The following TMEM106B variants were observed in gnomAD, a reference collection of about 807,000 sequenced individuals.
TMEM106B encodes the protein transmembrane protein 106B.
A neutral mutation model predicts 31.1 loss-of-function variants in TMEM106B; 15 were observed. The observed-to-expected ratio is 0.48, with a 90% confidence interval of 0.32 to 0.74. The LOEUF (loss-of-function observed/expected upper bound fraction) is 0.74. Among genes scored for constraint, TMEM106B ranks in the 30% least tolerant of loss-of-function variants. TMEM106B has a pLI of 0.03. For missense variants in TMEM106B, 283 were observed against 327.3 expected (o/e 0.86, Z 1.04); for synonymous variants, 126 against 112.5 (o/e 1.12, Z -0.76).
Position 12,238,832 on chromosome 7 carries a change from T to C in TMEM106B, c.*6857T>C, listed in dbSNP as rs1158662992. The C allele has an allele frequency of 6.6e-6, 1 of 152,288 alleles. No individual in the cohort carries two copies. Among genetic ancestry groups the C allele is most frequent in the East Asian group, 1.9e-4 (1 of 5,178 alleles). 9.4% of individuals were successfully genotyped at this position (152,288 alleles called of 1,614,324 possible). ...AACCGTGTTGTAAACAGATGTCATA[T>C]TATCCAGACTGTTCCATTTATTGAA... is the stretch of plus-strand genomic sequence containing the variant. On this transcript the variant is annotated 3_prime_UTR_variant, in exon 8 of 8. Coordinates refer to ENST00000396668, the MANE Select transcript of TMEM106B (RefSeq NM_001134232.2).
chr7:12,229,644 C>G, intron 4 of TMEM106B, 35 bp from the exon 5 acceptor site: 1 of 1,456,058 alleles, frequency 6.9e-7, no homozygotes, highest in South Asian at 1.4e-5. Context: ...ATATTTTTAG[C>G]TAACTTGTAA....
chr7:12,235,525 A>C lies in TMEM106B; in HGVS notation c.*3550A>C, dbSNP rs1171984454. ...ACACCGCAATGTTCAAATAGGTAGGAGACCATCAAAAACACAATTAAAGTA... is the reference window on the plus strand; with the variant it reads ...ACACCGCAATGTTCAAATAGGTAGGCGACCATCAAAAACACAATTAAAGTA... On this transcript the variant is annotated 3_prime_UTR_variant, in exon 8 of 8. Transcript: ENST00000396668. 2.0e-5 allele frequency: 3 copies of C among 151,860 alleles called. No homozygotes were observed. Among genetic ancestry groups the C allele is most frequent in the African/African-American group, 7.2e-5 (3 of 41,418 alleles). 9.4% of individuals were successfully genotyped at this position (151,860 alleles called of 1,614,324 possible). A position where few individuals can be genotyped will look rare whatever the true frequency, so the allele number is the denominator to read the frequency against.
At chr7:12,217,851 CCATTTATCCTTTAAA>C (rs1781716561) in intron 2 of TMEM106B, among the ~76,000 whole-genome samples, 1 of 151,990 alleles carries the variant, frequency 6.6e-6, no homozygotes, top group South Asian at 2.1e-4. Context: ...ATTTAAAGGT[CCATTTATCCTTTAAA>C]CTTATGGATA....
rs1408696965 is a variant in TMEM106B, at chr7:12,218,446, T to C, written c.218-12T>C. 1 of 1,609,818 alleles carries C rather than the reference T, an allele frequency of 6.2e-7. No individual in the cohort carries two copies. The highest frequency in any genetic ancestry group is 1.7e-5 in the Admixed American group (1 of 59,600). ...TCATAGTAATTTCTGAACTTACTTC[T>C]TTCACATTTAGGGCAAGAAAACCAA... On this transcript the variant is annotated splice_polypyrimidine_tract_variant and intron_variant, in intron 2 of 7. Transcript: ENST00000396668.
rs1042229753 is a variant in TMEM106B at position 12,240,078 on chromosome 7, T to G, written c.*8103T>G. 6.6e-6 allele frequency: 1 copy of G among 152,100 alleles called. No individual in the cohort carries two copies. Among genetic ancestry groups the G allele is most frequent in the African/African-American group, 2.4e-5 (1 of 41,426 alleles). 9.4% of individuals were successfully genotyped at this position (152,100 alleles called of 1,614,324 possible). A position where few individuals can be genotyped will look rare whatever the true frequency, so the allele number is the denominator to read the frequency against. On this transcript the variant is annotated 3_prime_UTR_variant, in exon 8 of 8. Coordinates refer to ENST00000396668, the MANE Select transcript of TMEM106B (RefSeq NM_001134232.2). ...TTACTGAAAAAGCCCAAGTTCTTAC[T>G]CTGGTGTTGAGAACCTTTCATTAGC...
At chr7:12,230,644 A>G in intron 6 of TMEM106B, 1 of 396,246 alleles carries the variant, frequency 2.5e-6, no homozygotes, top group Non-Finnish European at 4.4e-6. Context: ...TTTTTTATTT[A>G]TTTTTCAGAA....
In TMEM106B at chr7:12,224,382, C is replaced by T. The variant is rs757962825; in HGVS notation, c.438C>T (p.Ile146=). The T allele has an allele frequency of 6.2e-7, 1 of 1,604,282 alleles. No individual in the cohort carries two copies. The highest frequency in any genetic ancestry group is 8.5e-7 in the Non-Finnish European group (1 of 1,172,034). The change falls in exon 4 of 8, where the codon ATC becomes ATT. Residue 146 remains isoleucine (I), a synonymous_variant. Coordinates refer to ENST00000396668, the MANE Select transcript of TMEM106B (RefSeq NM_001134232.2). ...AGAAGCGTACAATTTATTTAAATAT[C>T]ACAGTGAGTATAAATTTATATGAAA... ...DVQKRTIYLN[I]TNTLNITNNN... is the part of the protein sequence containing the mutation.
chr7:12,233,103 C>T lies in TMEM106B; in HGVS notation c.*1128C>T, dbSNP rs892074890. 9 of 151,708 alleles carry T rather than the reference C, an allele frequency of 5.9e-5. No individual in the cohort carries two copies. The highest frequency in any genetic ancestry group is 2.2e-4 in the African/African-American group (9 of 41,398). The allele number at this position is 151,708 out of a possible 1,614,324, so 9.4% of individuals were successfully genotyped here. A position where few individuals can be genotyped will look rare whatever the true frequency, so the allele number is the denominator to read the frequency against. On this transcript the variant is annotated 3_prime_UTR_variant, in exon 8 of 8. Coordinates refer to ENST00000396668, the MANE Select transcript of TMEM106B (RefSeq NM_001134232.2). ...TTAGAAATTTAATCACTTTGCACAT[C>T]ACTTGGAATATGATGCCTCTAGTAG... is the stretch of plus-strand genomic sequence containing the variant.
Position 12,229,587 on chromosome 7 carries a change from A to C in TMEM106B, c.442-92A>C, listed in dbSNP as rs13234238. 0.073 allele frequency: 76,265 copies of C among 1,039,812 alleles called. 3,272 individuals carry two copies. The highest frequency in any genetic ancestry group is 0.09 in the Middle Eastern group (269 of 2,990). The allele number at this position is 1,039,812 out of a possible 1,614,324, so 64.4% of individuals were successfully genotyped here. ...ATTACTTTCTTTTTCTTAATAAATG[A>C]AGCATAGCTACAGCTGAAGTTACTT... On this transcript the variant is annotated intron_variant, in intron 4 of 7. Transcript: ENST00000396668.
In TMEM106B at chr7:12,240,984, A is replaced by G. The variant is rs1002522516; in HGVS notation, c.*9009A>G. 1.2e-4 allele frequency: 19 copies of G among 152,168 alleles called. No homozygotes were observed. Among genetic ancestry groups the G allele is most frequent in the South Asian group, 2.1e-4 (1 of 4,828 alleles). 9.4% of individuals were successfully genotyped at this position (152,168 alleles called of 1,614,324 possible). On this transcript the variant is annotated 3_prime_UTR_variant, in exon 8 of 8. Transcript: ENST00000396668. ...ACTAGGCAAATGTCAGCTTAAATTTATATTTTCTAAATAGCACTGAAAATG... is the reference window on the plus strand; with the variant it reads ...ACTAGGCAAATGTCAGCTTAAATTTGTATTTTCTAAATAGCACTGAAAATG...
rs980041943 is a variant in TMEM106B, at chr7:12,231,867, C to T, written c.717C>T (p.His239=). Residue 239 remains histidine (H), a synonymous_variant, in exon 8 of 8, where the codon CAC becomes CAT. Coordinates refer to ENST00000396668, the MANE Select transcript of TMEM106B (RefSeq NM_001134232.2). ...QVTVTTTYFG[H]SEQISQERYQ... is the part of the protein sequence containing the mutation. The stretch of plus-strand genomic sequence containing the variant: ...CTGTGACAACAACATACTTTGGCCA[C>T]TCTGAACAGATATCCCAGGAGAGGT... The T allele has an allele frequency of 6.2e-7, 1 of 1,608,148 alleles. No homozygotes were observed. Among genetic ancestry groups the T allele is most frequent in the Non-Finnish European group, 8.5e-7 (1 of 1,175,974 alleles).
At chr7:12,224,050 C>T (rs113047067) in intron 3 of TMEM106B, among the ~76,000 whole-genome samples, 176 bp from the exon 4 acceptor site, 4 of 152,146 alleles carry the variant, frequency 2.6e-5, no homozygotes, top group Admixed American at 6.5e-5. Context: ...CATCTTAACA[C>T]TTAATAGACT....
At position 12,212,457 on chromosome 7, in the gene TMEM106B, A is replaced by G. The variant is rs145074253; in HGVS notation, c.-3+1032A>G. Among the ~76,000 whole-genome samples, 1,384 of 150,888 alleles carry G rather than the reference A, an allele frequency of 9.2e-3. 12 individuals carry two copies. Among genetic ancestry groups the G allele is most frequent in the Middle Eastern group, 0.014 (4 of 294 alleles). On this transcript the variant is annotated intron_variant, in intron 1 of 7. Transcript: ENST00000396668. ...TTTTTAGAAGTCATAAATCATTTGT[A>G]TTTTTGATGTGGGCAGTGATTTTTA...
At position 12,237,324 on chromosome 7, in the gene TMEM106B, C is replaced by A. The variant is rs1031058529; in HGVS notation, c.*5349C>A. 3 of 151,978 alleles carry A rather than the reference C, an allele frequency of 2.0e-5. No individual in the cohort carries two copies. Among genetic ancestry groups the A allele is most frequent in the African/African-American group, 7.2e-5 (3 of 41,392 alleles). The allele number at this position is 151,978 out of a possible 1,614,324, so 9.4% of individuals were successfully genotyped here. A position where few individuals can be genotyped will look rare whatever the true frequency, so the allele number is the denominator to read the frequency against. Reference sequence around the variant, plus strand: ...ACAAATCAGTGTAGATATTCAAAATCTTTTACCTTTAATCCTTTTCATCCT... The same window carrying A: ...ACAAATCAGTGTAGATATTCAAAATATTTTACCTTTAATCCTTTTCATCCT... On this transcript the variant is annotated 3_prime_UTR_variant, in exon 8 of 8. Coordinates refer to ENST00000396668, the MANE Select transcript of TMEM106B (RefSeq NM_001134232.2).
intron 1 of TMEM106B, among the ~76,000 whole-genome samples, chr7:12,212,493 GTTTTT>G (rs56761518): frequency 1.3e-5 from 2 of 148,744 alleles, no homozygotes; most frequent in Non-Finnish European, 3.0e-5. Context: ...TAAATACATA[GTTTTT>G]TTTTTTTGAA....
In TMEM106B at chr7:12,232,371, G is replaced by A. The variant is rs12669919; in HGVS notation, c.*396G>A. 77,225 of 153,154 alleles carry A rather than the reference G, an allele frequency of 0.5. 20,583 individuals are homozygous for A. The highest frequency in any genetic ancestry group is 0.66 in the African/African-American group (27,494 of 41,464). The allele number at this position is 153,154 out of a possible 1,614,324, so 9.5% of individuals were successfully genotyped here. A position where few individuals can be genotyped will look rare whatever the true frequency, so the allele number is the denominator to read the frequency against. On this transcript the variant is annotated 3_prime_UTR_variant, in exon 8 of 8. Transcript: ENST00000396668. ...ATGTTTTTATAGAAAATTACTGAAA[G>A]TCTATTACTCATGGAAGACTTTTAA...
At chr7:12,225,591 G>A (rs1781884953) in intron 4 of TMEM106B, among the ~76,000 whole-genome samples, 1 of 152,148 alleles carries the variant, frequency 6.6e-6, no homozygotes, top group Non-Finnish European at 1.5e-5. Flanking sequence ...ATCTCATTGT[G>A]GTTTTGATTT....
At chr7:12,220,378 A>G (rs989940402) in intron 3 of TMEM106B, among the ~76,000 whole-genome samples, 2 of 152,190 alleles carry the variant, frequency 1.3e-5, no homozygotes, top group Non-Finnish European at 2.9e-5. Context: ...AAGTTTACAA[A>G]TCATATCACA....
Position 12,238,523 on chromosome 7 carries a change from G to A in TMEM106B, c.*6548G>A, listed in dbSNP as rs6460904. On this transcript the variant is annotated 3_prime_UTR_variant, in exon 8 of 8. Transcript: ENST00000396668. ...CTAGAATGGCAAATCCTTTCTGGAA[G>A]GTTTCAATTTACTTTGCCCAGATCC... 0.13 allele frequency: 20,448 copies of A among 152,114 alleles called. 1,587 individuals carry two copies. The highest frequency in any genetic ancestry group is 0.22 in the African/African-American group (9,083 of 41,434). The allele number at this position is 152,114 out of a possible 1,614,324, so 9.4% of individuals were successfully genotyped here. A position where few individuals can be genotyped will look rare whatever the true frequency, so the allele number is the denominator to read the frequency against.
Sources: allele counts gnomAD v4.1 joint callset (sites outside exome capture counted in the v4.1 genomes callset), GRCh38; gene constraint gnomAD v4.1.1; transcripts MANE v1.5; gene names NCBI Gene and HGNC (gene_info 2026-07-23, HGNC 2026-07-21).